The following ADCY7 variants were observed in gnomAD, a reference collection of about 807,000 sequenced individuals.
ADCY7 encodes the protein adenylate cyclase type 7.
In ADCY7, 72 loss-of-function variants were observed where a neutral mutation model predicts 120.6. That is an observed-to-expected ratio of 0.60 (90% CI 0.49 to 0.73). ADCY7 has a LOEUF of 0.73. Among genes scored for constraint, ADCY7 ranks in the 30% least tolerant of loss-of-function variants. The probability of loss-of-function intolerance (pLI) is 0.00; values close to 1 mark genes in which losing one functional copy is unlikely to be tolerated. For synonymous variants in ADCY7, 661 were observed against 628.0 expected (o/e 1.05, Z -0.78); for missense variants, 1,227 against 1,486.0 (o/e 0.83, Z 2.87).
chr16:50,284,355 C>T (rs1383483707), intron 1 of ADCY7, among the ~76,000 whole-genome samples: 1 of 152,220 alleles, frequency 6.6e-6, no homozygotes, highest in Non-Finnish European at 1.5e-5. Context: ...TAATGAGTTC[C>T]TTGAGAGGCG....
In ADCY7 at chr16:50,297,427, C is replaced by G. The variant is rs1039022323; in HGVS notation, c.949-1477C>G. Among the ~76,000 whole-genome samples the G allele has an allele frequency of 2.0e-5, 3 of 152,146 alleles. No homozygotes were observed. Among genetic ancestry groups the G allele is most frequent in the Admixed American group, 6.6e-5 (1 of 15,266 alleles). The stretch of plus-strand genomic sequence containing the variant: ...TCCATGGGCAGTCCTGTGCCTGGTC[C>G]GAGAGGAGATCAGGGTAGCTGGAGC... On this transcript the variant is annotated intron_variant, in intron 7 of 25. Coordinates refer to ENST00000673801, the MANE Select transcript of ADCY7 (RefSeq NM_001114.5). The surrounding 1 kb of genome is among the most constrained non-coding windows in gnomAD (Gnocchi z 4.4).
At chr16:50,294,614 TCCC>T in intron 6 of ADCY7, 23 bp from the exon 7 acceptor site, 1 of 1,272,664 alleles carries the variant, frequency 7.9e-7, no homozygotes, top group Non-Finnish European at 1.1e-6. Flanking sequence ...GCTCTGACAC[TCCC>T]TCCCACCCTG....
intron 12 of ADCY7, 123 bp from the exon 13 acceptor site, chr16:50,305,380 C>T: frequency 1.2e-6 from 1 of 862,864 alleles, no homozygotes; most frequent in Non-Finnish European, 1.9e-6. Flanking sequence ...CAGTGGGACC[C>T]ACCCATTCCT....
chr16:50,310,463 A>G (rs2036381822), intron 18 of ADCY7: 1 of 1,536,080 alleles, frequency 6.5e-7, no homozygotes, highest in Non-Finnish European at 8.7e-7. Context: ...GCACCTGCAT[A>G]CTGTTTTTTC....
rs1383507236 is a variant in ADCY7, at chr16:50,298,979, A to G, written c.1024A>G (p.Thr342Ala). 6.2e-7 allele frequency: 1 copy of G among 1,613,512 alleles called. No individual in the cohort carries two copies. Among genetic ancestry groups the G allele is most frequent in the Non-Finnish European group, 8.5e-7 (1 of 1,180,008 alleles). Residue 342 changes from threonine (T) to alanine (A), a missense_variant, in exon 8 of 26, where the codon ACC becomes GCC. Physicochemically the swap from Thr to Ala is moderately conservative, Grantham distance 58 (BLOSUM62 0). Around this residue, in one of 5 missense-constraint regions of ADCY7, gnomAD observed 332 missense variants for 455.8 expected, o/e 0.73. Coordinates refer to ENST00000673801, the MANE Select transcript of ADCY7 (RefSeq NM_001114.5). The stretch of plus-strand genomic sequence containing the variant: ...ATCGGGCCTGCCCGTGTCGCTGCCT[A>G]CCCACGCCCGGAACTGCGTGAAGAT... ...CVSGLPVSLPTHARNCVKMGL... is the reference protein window; with the variant it reads ...CVSGLPVSLPAHARNCVKMGL...
chr16:50,248,152 T>A (rs564952033), intron 1 of ADCY7, among the ~76,000 whole-genome samples: 63 of 152,264 alleles, frequency 4.1e-4, no homozygotes, highest in African/African-American at 1.4e-3. Flanking sequence ...CTGAGCTCCA[T>A]CCCTAAATGC....
chr16:50,272,818 C>T (rs1053898875), intron 1 of ADCY7, among the ~76,000 whole-genome samples: 3 of 152,134 alleles, frequency 2.0e-5, no homozygotes, highest in Admixed American at 6.5e-5. Context: ...GGCCTGTCTC[C>T]GGTACCCCCT....
Position 50,291,754 on chromosome 16 carries a change from A to G in ADCY7, c.394A>G (p.Ile132Val), listed in dbSNP as rs1244851151. 6.2e-7 allele frequency: 1 copy of G among 1,613,934 alleles called. No homozygotes were observed. Among genetic ancestry groups the G allele is most frequent in the Admixed American group, 1.7e-5 (1 of 60,004 alleles). ...TCCACAGGTGCCCTTCTTCCTGTTC[A>G]TTGTCTTCGTGGTGTACACACTACT... ...AWEQVPFFLF[I>V]VFVVYTLLPF... is the part of the protein sequence containing the mutation. The change falls in exon 4 of 26, where the codon ATT (isoleucine) becomes GTT (valine). Residue 132 changes from isoleucine (I) to valine (V), a missense_variant. This residue lies in a region of ADCY7 where 382 missense variants were observed against 411.4 expected (regional missense o/e 0.93). Transcript: ENST00000673801.
upstream of ADCY7, among the ~76,000 whole-genome samples, chr16:50,265,753 C>T (rs1872690): frequency 4.3e-4 from 66 of 152,356 alleles, no homozygotes; most frequent in African/African-American, 1.5e-3. Flanking sequence ...ATGCCAGTCA[C>T]ATGCTCAGAA....
rs767506070 is a variant in ADCY7 at position 50,311,813 on chromosome 16, C to CTG, written c.2448+27_2448+28insTG. The CTG allele has an allele frequency of 2.3e-6, 3 of 1,314,890 alleles. No homozygotes were observed. In the African/African-American group the frequency reaches 4.7e-5, roughly 21 times the overall value. The allele number at this position is 1,314,890 out of a possible 1,614,324, so 81.5% of individuals were successfully genotyped here. ...TAAGGAGGCTGGCCCCCCCCCCCCCCCCAAGCTCTGCCCACTTTTCCTCAC... is the reference window on the plus strand; with the variant it reads ...TAAGGAGGCTGGCCCCCCCCCCCCCCTGCCAAGCTCTGCCCACTTTTCCTCAC... On this transcript the variant is annotated intron_variant, in intron 20 of 25. Coordinates refer to ENST00000673801, the MANE Select transcript of ADCY7 (RefSeq NM_001114.5).
intron 1 of ADCY7, among the ~76,000 whole-genome samples, chr16:50,249,473 A>G (rs1383296953): frequency 6.6e-6 from 1 of 152,004 alleles, no homozygotes; most frequent in Non-Finnish European, 1.5e-5. Context: ...CAACAACAAC[A>G]AAACCAAAGT....
At chr16:50,261,508 G>A (rs1349289403) in intron 1 of ADCY7, among the ~76,000 whole-genome samples, 1 of 152,196 alleles carries the variant, frequency 6.6e-6, no homozygotes, top group East Asian at 1.9e-4. Flanking sequence ...GTTGTTTGAA[G>A]GAGGGGCAGG....
intron 2 of ADCY7, among the ~76,000 whole-genome samples, chr16:50,288,906 T>C (rs1004044766): frequency 6.6e-6 from 1 of 152,156 alleles, no homozygotes; most frequent in African/African-American, 2.4e-5. Context: ...CAAGTAATCA[T>C]CCTGGCTTAT....
rs2034695633 is a variant in ADCY7, at chr16:50,288,125, A to C, written c.-55A>C. The C allele has an allele frequency of 2.0e-6, 3 of 1,493,038 alleles. No homozygotes were observed. The highest frequency in any genetic ancestry group is 2.7e-6 in the Non-Finnish European group (3 of 1,116,080). The allele number at this position is 1,493,038 out of a possible 1,614,324, so 92.5% of individuals were successfully genotyped here. A position where few individuals can be genotyped will look rare whatever the true frequency, so the allele number is the denominator to read the frequency against. On this transcript the variant is annotated 5_prime_UTR_variant, in exon 2 of 26. Coordinates refer to ENST00000673801, the MANE Select transcript of ADCY7 (RefSeq NM_001114.5). ...GGGTGTTGGCAGACAGATGCCCTCC[A>C]GGCCCTGGGGCCTCCTTAACGGCCC...
intron 15 of ADCY7, among the ~76,000 whole-genome samples, chr16:50,307,635 G>T (rs967442749): frequency 1.3e-5 from 2 of 152,172 alleles, no homozygotes; most frequent in Non-Finnish European, 2.9e-5. Flanking sequence ...CAGCTACTTG[G>T]TGCTTTCTAG....
chr16:50,247,912 G>C (rs1371764253), intron 1 of ADCY7, among the ~76,000 whole-genome samples: 1 of 152,268 alleles, frequency 6.6e-6, no homozygotes, highest in Admixed American at 6.5e-5. Context: ...TTACAGAGGA[G>C]AGCAGGGAGA....
At chr16:50,304,887 TG>T (rs752505776) in intron 11 of ADCY7, 37 bp from the exon 12 acceptor site, 2 of 1,613,644 alleles carry the variant, frequency 1.2e-6, no homozygotes, top group South Asian at 2.2e-5. Flanking sequence ...CCCAGTGTTC[TG>T]GGGAATGACT....
In ADCY7 at chr16:50,304,933, C is replaced by G; in HGVS notation, c.1569C>G (p.Pro523=). ...VPNGRRPKSV[P]QRHRRTPDRS... ...CCTCCCTTCCCTTTCAGAGCGTTCC[C>G]CAGCGCCACCGCCGGACCCCAGACA... The change falls in exon 12 of 26, where the codon CCC becomes CCG. Residue 523 remains proline (P), a synonymous_variant. Transcript: ENST00000673801. The G allele has an allele frequency of 6.2e-7, 1 of 1,613,602 alleles. No homozygotes were observed. Among genetic ancestry groups the G allele is most frequent in the Admixed American group, 1.7e-5 (1 of 60,034 alleles).
rs1259233981 is a variant in ADCY7, at chr16:50,304,462, T to TG, written c.1477dup (p.Ala493GlyfsTer12). On this transcript the variant is annotated frameshift_variant, in exon 11 of 26. Transcript: ENST00000673801. LOFTEE classifies it high-confidence loss of function. ...GCGCATGACCCGGTACCTCGAGTCC[T>TG]GGGGGGCGGCACGGCCCTTTGCACA... The TG allele has an allele frequency of 1.9e-6, 3 of 1,609,412 alleles. No individual in the cohort carries two copies. The highest frequency in any genetic ancestry group is 1.3e-5 in the African/African-American group (1 of 74,670).
Sources: allele counts gnomAD v4.1 joint callset (sites outside exome capture counted in the v4.1 genomes callset), GRCh38; gene constraint gnomAD v4.1.1; regional missense constraint gnomAD v4.1.1; non-coding constraint Gnocchi (gnomAD v3.1); transcripts MANE v1.5; gene names NCBI Gene and HGNC (gene_info 2026-07-23, HGNC 2026-07-21).